The following FRMD4A variants were observed in gnomAD, a reference collection of about 807,000 sequenced individuals.
FRMD4A encodes FERM domain containing 4A, also known as FERM domain-containing protein 4A.
In FRMD4A, 29 loss-of-function variants were observed where a neutral mutation model predicts 129.1. That is an observed-to-expected ratio of 0.22 (90% CI 0.17 to 0.31). The LOEUF (loss-of-function observed/expected upper bound fraction) is 0.31. FRMD4A is among the 10% of genes least tolerant of loss of function. FRMD4A has a pLI of 1.00. For synonymous variants in FRMD4A, 634 were observed against 571.6 expected (o/e 1.11, Z -1.56); for missense variants, 1,272 against 1,375.8 (o/e 0.92, Z 1.19).
chr10:13,939,872 G>T (rs2095277840), intron 2 of FRMD4A, among the ~76,000 whole-genome samples: 1 of 152,202 alleles, frequency 6.6e-6, no homozygotes, highest in African/African-American at 2.4e-5. Flanking sequence ...GGAAAACAAA[G>T]CTCACTGTCC....
intron 11 of FRMD4A, among the ~76,000 whole-genome samples, chr10:13,739,773 A>G (rs117686687): frequency 0.023 from 3,506 of 152,298 alleles, 164 homozygotes; most frequent in South Asian, 0.14. Flanking sequence ...CAAGTCCTCC[A>G]CAACCTCCAT....
At chr10:13,811,277 C>A (rs967852321) in intron 3 of FRMD4A, among the ~76,000 whole-genome samples, 1 of 150,102 alleles carries the variant, frequency 6.7e-6, no homozygotes, top group Non-Finnish European at 1.5e-5. Context: ...TAGGCATATG[C>A]CACCACGCAT....
intron 19 of FRMD4A, among the ~76,000 whole-genome samples, chr10:13,661,214 T>C (rs2082615920): frequency 6.6e-6 from 1 of 152,232 alleles, no homozygotes; most frequent in East Asian, 1.9e-4. Context: ...TATGTATTAA[T>C]AAATGATTCC....
intron 12 of FRMD4A, among the ~76,000 whole-genome samples, chr10:13,719,471 A>G (rs1205609402): frequency 6.6e-6 from 1 of 151,694 alleles, no homozygotes; most frequent in Non-Finnish European, 1.5e-5. Flanking sequence ...GGCAGGTAGG[A>G]CCCCGACTGT....
intron 2 of FRMD4A, among the ~76,000 whole-genome samples, chr10:13,903,429 T>C (rs896051121): frequency 1.3e-5 from 2 of 152,194 alleles, no homozygotes; most frequent in East Asian, 1.9e-4. Flanking sequence ...TACTAAACAT[T>C]CAATAGATAT....
At chr10:13,852,842 C>T (rs1336852933) in intron 3 of FRMD4A, among the ~76,000 whole-genome samples, 1 of 152,128 alleles carries the variant, frequency 6.6e-6, no homozygotes, top group Non-Finnish European at 1.5e-5. Flanking sequence ...CCACGAGGTG[C>T]AGCTTAGATC....
At chr10:13,716,520 C>T (rs1272629946) in intron 12 of FRMD4A, among the ~76,000 whole-genome samples, 1 of 152,222 alleles carries the variant, frequency 6.6e-6, no homozygotes, top group East Asian at 1.9e-4. Flanking sequence ...ATGGCTAATT[C>T]TTCTCTGCAG....
intron 2 of FRMD4A, among the ~76,000 whole-genome samples, chr10:13,883,514 A>C (rs923328357): frequency 1.3e-5 from 2 of 152,128 alleles, no homozygotes; most frequent in African/African-American, 2.4e-5. Context: ...AACAAAAAAA[A>C]CCAAGAAACA....
chr10:13,803,148 CA>C (rs5783350), intron 4 of FRMD4A, among the ~76,000 whole-genome samples: 10,546 of 128,500 alleles, frequency 0.082, 465 homozygotes, highest in African/African-American at 0.14. Flanking sequence ...GATTCCATCT[CA>C]AAAAAAAAAA....
chr10:13,757,959 G>T (rs2091930060), intron 8 of FRMD4A, among the ~76,000 whole-genome samples: 1 of 152,140 alleles, frequency 6.6e-6, no homozygotes, highest in Admixed American at 6.5e-5. Flanking sequence ...GGCCAGGCTG[G>T]TCTTGAACTC....
intron 2 of FRMD4A, among the ~76,000 whole-genome samples, chr10:14,202,610 A>G (rs1842672115): frequency 6.6e-6 from 1 of 152,060 alleles, no homozygotes. Flanking sequence ...CATATTGGCC[A>G]GGCTGGTCTC....
chr10:13,714,221 C>A (rs1028385215), intron 12 of FRMD4A, among the ~76,000 whole-genome samples: 1 of 149,894 alleles, frequency 6.7e-6, no homozygotes, highest in Non-Finnish European at 1.5e-5. Flanking sequence ...CACCAACATG[C>A]CCAGTTAATT....
intron 2 of FRMD4A, among the ~76,000 whole-genome samples, chr10:13,980,647 G>A (rs1281087750): frequency 6.6e-6 from 1 of 152,202 alleles, no homozygotes; most frequent in African/African-American, 2.4e-5. Flanking sequence ...TTGACCCTGG[G>A]AGTGAGAGGC....
intron 2 of FRMD4A, among the ~76,000 whole-genome samples, chr10:14,131,443 T>A (rs1377433258): frequency 1.3e-5 from 2 of 148,730 alleles, no homozygotes; most frequent in Non-Finnish European, 3.0e-5. Context: ...TCACTTTGGT[T>A]CAATACCCAG....
chr10:14,278,540 A>G (rs770659285), intron 2 of FRMD4A, among the ~76,000 whole-genome samples: 2 of 152,216 alleles, frequency 1.3e-5, no homozygotes, highest in African/African-American at 4.8e-5. Flanking sequence ...GCTTTGAAAC[A>G]TTTGTTCTTA....
chr10:13,650,879 T>A (rs1319236702), intron 24 of FRMD4A, among the ~76,000 whole-genome samples: 1 of 152,214 alleles, frequency 6.6e-6, no homozygotes, highest in African/African-American at 2.4e-5. Flanking sequence ...CAGGCTCACA[T>A]AACATCTCCG....
At chr10:13,663,795 C>A (rs180891458) in intron 18 of FRMD4A, among the ~76,000 whole-genome samples, 1 of 152,092 alleles carries the variant, frequency 6.6e-6, no homozygotes, top group Non-Finnish European at 1.5e-5. Context: ...GGCTTCATAC[C>A]GAATATAAAG....
At chr10:13,869,146 T>C (rs896244769) in intron 2 of FRMD4A, among the ~76,000 whole-genome samples, 26 of 152,160 alleles carry the variant, frequency 1.7e-4, no homozygotes, top group South Asian at 6.2e-4. Flanking sequence ...CAGCGGTCTA[T>C]GTGATTCAAG....
intron 2 of FRMD4A, among the ~76,000 whole-genome samples, chr10:13,935,508 A>G (rs952913409): frequency 2.6e-5 from 4 of 151,934 alleles, no homozygotes; most frequent in African/African-American, 9.7e-5. Context: ...TTTTCCAGAA[A>G]ATCCCAGGAC....
Sources: gnomAD v4.1 joint callset for allele counts (sites outside exome capture counted in the v4.1 genomes callset) on GRCh38, gnomAD v4.1.1 for gene constraint, MANE v1.5 for transcripts, NCBI Gene and HGNC (gene_info 2026-07-23, HGNC 2026-07-21) for gene names.